The following LYRM7 variants were observed in gnomAD, a reference collection of about 807,000 sequenced individuals.
LYRM7 encodes the protein LYR motif containing 7.
A neutral mutation model predicts 15.8 loss-of-function variants in LYRM7; 9 were observed. The ratio of observed to expected loss-of-function variants is 0.57; its 90% CI spans 0.34 to 0.99. The LOEUF (loss-of-function observed/expected upper bound fraction) is 0.99, where lower values mean the gene tolerates loss of function less well. Among genes scored for constraint, LYRM7 ranks in the 50% least tolerant of loss-of-function variants. The probability of loss-of-function intolerance (pLI) is 0.02; values close to 1 mark genes in which losing one functional copy is unlikely to be tolerated. For missense variants in LYRM7, 115 were observed against 119.1 expected, an observed-to-expected ratio of 0.97 and a Z score of 0.16; for synonymous variants, 39 against 39.4, an observed-to-expected ratio of 0.99 and a Z score of 0.04.
chr5:131,179,774 A>G (rs1302858394), intron 1 of LYRM7, among the ~76,000 whole-genome samples: 1 of 152,018 alleles, frequency 6.6e-6, no homozygotes, highest in Non-Finnish European at 1.5e-5. Context: ...TGTCTCTACT[A>G]AAAATACAAA....
chr5:131,185,130 T>G (rs1755777285), intron 3 of LYRM7, among the ~76,000 whole-genome samples: 1 of 151,770 alleles, frequency 6.6e-6, no homozygotes, highest in African/African-American at 2.4e-5. Context: ...TACAGCCTAT[T>G]CTCAGTACTT....
At chr5:131,172,977 A>G (rs1457692968) in intron 1 of LYRM7, among the ~76,000 whole-genome samples, 2 of 152,242 alleles carry the variant, frequency 1.3e-5, no homozygotes, top group Non-Finnish European at 2.9e-5. Flanking sequence ...TGTTAACTCC[A>G]ATAGTGCTAT....
chr5:131,183,826 G>T (rs1468977881), intron 3 of LYRM7, among the ~76,000 whole-genome samples: 1 of 151,956 alleles, frequency 6.6e-6, no homozygotes, highest in East Asian at 1.9e-4. Flanking sequence ...AATGTAAACT[G>T]AGAATTTTTA....
intron 4 of LYRM7, among the ~76,000 whole-genome samples, chr5:131,192,254 T>C (rs1009325682): frequency 6.6e-6 from 1 of 152,170 alleles, no homozygotes; most frequent in African/African-American, 2.4e-5. Context: ...AGAGTGCAGA[T>C]AGTGGTTACT....
Position 131,201,415 on chromosome 5 carries a change from TAAAGTTCCTG to T in LYRM7, c.*1825_*1834del, listed in dbSNP as rs1239649036. On this transcript the variant is annotated 3_prime_UTR_variant, in exon 5 of 5. Coordinates refer to ENST00000379380, the MANE Select transcript of LYRM7 (RefSeq NM_181705.4). ...ACTTTCATGCCATAAGACTACACAA[TAAAGTTCCTG>T]AAAGTTCCTGGCTGGGCGCAGTGGC... is the stretch of plus-strand genomic sequence containing the variant. 6.6e-6 allele frequency: 1 copy of T among 151,432 alleles called. No homozygotes were observed. 9.4% of individuals were successfully genotyped at this position (151,432 alleles called of 1,614,324 possible).
chr5:131,192,185 C>A (rs7720557), intron 4 of LYRM7, among the ~76,000 whole-genome samples: 4 of 151,818 alleles, frequency 2.6e-5, no homozygotes, highest in African/African-American at 7.2e-5. Context: ...AGGCACAGAA[C>A]GACAAATATT....
intron 2 of LYRM7, among the ~76,000 whole-genome samples, chr5:131,180,767 A>C (rs1561543986): frequency 6.6e-6 from 1 of 152,228 alleles, no homozygotes; most frequent in Non-Finnish European, 1.5e-5. Context: ...TTTCTGAACA[A>C]ATAAGATATA....
chr5:131,175,464 G>C (rs934792601), intron 1 of LYRM7, among the ~76,000 whole-genome samples: 2 of 152,130 alleles, frequency 1.3e-5, no homozygotes, highest in African/African-American at 4.8e-5. Flanking sequence ...CTCCCAAAGT[G>C]CTAGGATTAC....
chr5:131,187,472 T>A (rs1282665137), intron 4 of LYRM7, among the ~76,000 whole-genome samples: 2 of 146,984 alleles, frequency 1.4e-5, no homozygotes, highest in Non-Finnish European at 3.0e-5. Context: ...GTTTTTTGTT[T>A]TTTTGTTTTT....
chr5:131,173,947 G>A lies in LYRM7; in HGVS notation c.18+2909G>A, dbSNP rs576032265. Among the ~76,000 whole-genome samples, 10 of 152,280 alleles carry A rather than the reference G, an allele frequency of 6.6e-5. 1 individual carries two copies. In the South Asian group the frequency reaches 2.1e-3, roughly 32 times the overall value. On this transcript the variant is annotated intron_variant, in intron 1 of 4. Transcript: ENST00000379380. ...ATGACTGTGACAATTTCTTAAAATA[G>A]GACTACAGTAAAGTTGACCACATTG...
rs1485128616 is a variant in LYRM7, at chr5:131,187,008, T to G, written c.163-20T>G. On this transcript the variant is annotated intron_variant, in intron 3 of 4. Coordinates refer to ENST00000379380, the MANE Select transcript of LYRM7 (RefSeq NM_181705.4). ...GAAACACCTAAAGGACTTACTCTATTTGTTTGGTTTTCTTAACAGCTAATG... is the reference window on the plus strand; with the variant it reads ...GAAACACCTAAAGGACTTACTCTATGTGTTTGGTTTTCTTAACAGCTAATG... The G allele has an allele frequency of 3.7e-6, 5 of 1,363,068 alleles. No individual in the cohort carries two copies. Among genetic ancestry groups the G allele is most frequent in the Non-Finnish European group, 5.1e-6 (5 of 974,062 alleles). The allele number at this position is 1,363,068 out of a possible 1,614,324, so 84.4% of individuals were successfully genotyped here. A position where few individuals can be genotyped will look rare whatever the true frequency, so the allele number is the denominator to read the frequency against.
chr5:131,193,663 T>C (rs1755919382), intron 4 of LYRM7, among the ~76,000 whole-genome samples: 1 of 152,230 alleles, frequency 6.6e-6, no homozygotes. Flanking sequence ...TTAAAATCTT[T>C]ACCTAAATTT....
At chr5:131,185,425 G>A (rs1164192827) in intron 3 of LYRM7, among the ~76,000 whole-genome samples, 1 of 152,058 alleles carries the variant, frequency 6.6e-6, no homozygotes, top group Non-Finnish European at 1.5e-5. Flanking sequence ...TCTCTTCCAT[G>A]CCCTCAAAGC....
At chr5:131,193,797 G>A (rs1176850010) in intron 4 of LYRM7, among the ~76,000 whole-genome samples, 1 of 152,102 alleles carries the variant, frequency 6.6e-6, no homozygotes, top group Non-Finnish European at 1.5e-5. Context: ...ATCAACTGAG[G>A]TCAGAAGTTC....
At chr5:131,187,424 T>C (rs974372237) in intron 4 of LYRM7, among the ~76,000 whole-genome samples, 2 of 152,102 alleles carry the variant, frequency 1.3e-5, no homozygotes, top group African/African-American at 4.8e-5. Context: ...ATCACTTACC[T>C]AGACTATTTC....
At chr5:131,180,634 G>A (rs1361520548) in intron 2 of LYRM7, among the ~76,000 whole-genome samples, 2 of 152,110 alleles carry the variant, frequency 1.3e-5, no homozygotes, top group Admixed American at 1.3e-4. Context: ...TGAAACTTAG[G>A]TTCTGTGTTA....
intron 3 of LYRM7, among the ~76,000 whole-genome samples, chr5:131,182,694 C>T (rs1755733685): frequency 6.6e-6 from 1 of 152,218 alleles, no homozygotes; most frequent in South Asian, 2.1e-4. Flanking sequence ...TTAATCCCAT[C>T]TTGGCAATGA....
At chr5:131,189,260 A>G (rs991669383) in intron 4 of LYRM7, among the ~76,000 whole-genome samples, 1 of 149,958 alleles carries the variant, frequency 6.7e-6, no homozygotes, top group Admixed American at 6.6e-5. Flanking sequence ...TGGCTAACAC[A>G]GTGAAACCCC....
At chr5:131,176,036 A>G (rs1755597250) in intron 1 of LYRM7, among the ~76,000 whole-genome samples, 1 of 152,228 alleles carries the variant, frequency 6.6e-6, no homozygotes, top group African/African-American at 2.4e-5. Flanking sequence ...CTGAGATTAC[A>G]GGCGTGAGCC....
Sources: allele counts gnomAD v4.1 joint callset (sites outside exome capture counted in the v4.1 genomes callset), GRCh38; gene constraint gnomAD v4.1.1; transcripts MANE v1.5; gene names NCBI Gene and HGNC (gene_info 2026-07-23, HGNC 2026-07-21).